The following TCF4 variants were observed in gnomAD, a reference collection of about 807,000 sequenced individuals.
TCF4 encodes the protein SL3-3 enhancer factor 2.
In TCF4, 3 loss-of-function variants were observed where a neutral mutation model predicts 82.1. That is an observed-to-expected ratio of 0.04 (90% CI 0.02 to 0.09). The LOEUF (loss-of-function observed/expected upper bound fraction) is 0.09, where lower values mean the gene tolerates loss of function less well. Among genes scored for constraint, TCF4 ranks in the 10% least tolerant of loss-of-function variants. TCF4 has a pLI of 1.00. For missense variants in TCF4, 518 were observed against 852.7 expected (o/e 0.61, Z 4.89); for synonymous variants, 276 against 309.6 (o/e 0.89, Z 1.14).
chr18:55,560,620 C>A (rs941832582), intron 3 of TCF4, among the ~76,000 whole-genome samples: 6 of 152,156 alleles, frequency 3.9e-5, no homozygotes, highest in Admixed American at 2.0e-4. Context: ...AGTAAGAAGG[C>A]TTCTCTGATC....
intron 6 of TCF4, among the ~76,000 whole-genome samples, chr18:55,397,188 C>G (rs1384016908): frequency 6.6e-6 from 1 of 152,200 alleles, no homozygotes; most frequent in African/African-American, 2.4e-5. Flanking sequence ...GCATTACCAA[C>G]AGCAGCATAG....
chr18:55,454,190 C>T (rs1353502426), intron 5 of TCF4, among the ~76,000 whole-genome samples: 3 of 152,102 alleles, frequency 2.0e-5, no homozygotes, highest in African/African-American at 7.2e-5. Flanking sequence ...TACTTATTTC[C>T]GCTTATATAT....
intron 5 of TCF4, among the ~76,000 whole-genome samples, chr18:55,442,833 A>T (rs768481136): frequency 6.6e-6 from 1 of 152,268 alleles, no homozygotes; most frequent in African/African-American, 2.4e-5. Context: ...AAAGAACTTT[A>T]TCACAGTACA....
chr18:55,458,084 G>A (rs2095801424), intron 5 of TCF4, among the ~76,000 whole-genome samples: 1 of 151,962 alleles, frequency 6.6e-6, no homozygotes, highest in Non-Finnish European at 1.5e-5. Flanking sequence ...AAAAAAATCA[G>A]GTCATCTGCA....
In TCF4 at chr18:55,460,964, C is replaced by G. The variant is rs897687612; in HGVS notation, c.304+55G>C. On this transcript the variant is annotated intron_variant, in intron 5 of 19. Coordinates refer to ENST00000354452, the MANE Select transcript of TCF4 (RefSeq NM_001083962.2). ...TCTGTCTAGGACATGGTTTTACCTT[C>G]TATAGTAAAACTTGAGCATTCAAAA... 41 of 1,475,046 alleles carry G rather than the reference C, an allele frequency of 2.8e-5. No individual in the cohort carries two copies. In the Admixed American group the frequency reaches 7.1e-4, roughly 25 times the overall value. The allele number at this position is 1,475,046 out of a possible 1,614,324, so 91.4% of individuals were successfully genotyped here. A position where few individuals can be genotyped will look rare whatever the true frequency, so the allele number is the denominator to read the frequency against.
intron 6 of TCF4, among the ~76,000 whole-genome samples, chr18:55,394,539 A>G (rs1569345565): frequency 6.6e-6 from 1 of 152,222 alleles, no homozygotes; most frequent in Non-Finnish European, 1.5e-5. Context: ...AATATATTCT[A>G]TTCAACGAGA....
At chr18:55,234,450 G>T in intron 16 of TCF4, 98 bp downstream of exon 16, 3 of 1,541,298 alleles carry the variant, frequency 1.9e-6, no homozygotes, top group Non-Finnish European at 2.7e-6. Flanking sequence ...CTGGGTTTCT[G>T]CCAGTGCTTC....
intron 6 of TCF4, among the ~76,000 whole-genome samples, chr18:55,378,260 G>A (rs1187724332): frequency 1.3e-5 from 2 of 152,240 alleles, no homozygotes; most frequent in Non-Finnish European, 2.9e-5. Context: ...TGAAGATATG[G>A]TATAGCTTGG....
intron 5 of TCF4, among the ~76,000 whole-genome samples, chr18:55,457,116 T>C (rs2095774537): frequency 6.6e-6 from 1 of 152,244 alleles, no homozygotes; most frequent in South Asian, 2.1e-4. Context: ...CAGTCAGTAC[T>C]GACATCTCTC....
intron 6 of TCF4, among the ~76,000 whole-genome samples, chr18:55,356,593 T>A (rs1343638971): frequency 6.6e-6 from 1 of 152,200 alleles, no homozygotes; most frequent in Admixed American, 6.5e-5. Context: ...AAATGTGTTA[T>A]ATGCGATAGA....
At chr18:55,592,676 C>T (rs2097686867), upstream of TCF4, among the ~76,000 whole-genome samples, 1 of 152,098 alleles carries the variant, frequency 6.6e-6, no homozygotes, top group Admixed American at 6.5e-5. Flanking sequence ...GCAGATTGGA[C>T]CCCAGGAGCG....
rs1272956318 is a variant in TCF4, at chr18:55,350,912, T to C, written c.461A>G (p.Asn154Ser). 6.2e-7 allele frequency: 1 copy of C among 1,613,636 alleles called. No individual in the cohort carries two copies. Among genetic ancestry groups the C allele is most frequent in the Admixed American group, 1.7e-5 (1 of 59,994 alleles). ...GTGAAGAGGCCTCCTTCGGGGATTA[T>C]TGCTAGAATACTGATAGTACTGGGA... The part of the protein sequence containing the change: ...PGSQYYQYSS[N>S]NPRRRPLHSS... Residue 154 changes from asparagine to serine, a missense_variant, in exon 7 of 20, where the codon AAT becomes AGT. By Grantham distance (46) the Asn-to-Ser change is conservative. This residue lies in a region of TCF4 where 211 missense variants were observed against 327.4 expected (regional missense o/e 0.64). Transcript: ENST00000354452.
intron 3 of TCF4, among the ~76,000 whole-genome samples, chr18:55,523,191 T>C (rs960829623): frequency 3.3e-5 from 5 of 152,030 alleles, no homozygotes; most frequent in Non-Finnish European, 4.4e-5. Flanking sequence ...ACAAAACTTA[T>C]GGAATGCAGC....
At chr18:55,526,429 T>C (rs1485153852) in intron 3 of TCF4, among the ~76,000 whole-genome samples, 1 of 152,204 alleles carries the variant, frequency 6.6e-6, no homozygotes, top group Non-Finnish European at 1.5e-5. Context: ...TATTGGTGAT[T>C]TCTAACATCT....
At chr18:55,297,206 GA>G (rs749849568) in intron 8 of TCF4, among the ~76,000 whole-genome samples, 4,010 of 56,030 alleles carry the variant, frequency 0.072, 86 homozygotes, top group South Asian at 0.099. Context: ...TTTCCAAATA[GA>G]AAAAAAAAAA....
In TCF4 at chr18:55,353,758, G is replaced by A. The variant is rs560216188; in HGVS notation, c.370-2755C>T. Among the ~76,000 whole-genome samples, 72 of 152,232 alleles carry A rather than the reference G, an allele frequency of 4.7e-4. 1 individual carries two copies. The South Asian group carries it at 0.014, about 30-fold the overall frequency. ...TTATGAATTTTAAAAAGTGAATGGC[G>A]TTTGATTTAAAGTAAATTAAATTTT... On this transcript the variant is annotated intron_variant, in intron 6 of 19. Transcript: ENST00000354452.
intron 8 of TCF4, among the ~76,000 whole-genome samples, chr18:55,327,124 A>G (rs2076698759): frequency 6.6e-6 from 1 of 152,164 alleles, no homozygotes; most frequent in African/African-American, 2.4e-5. Flanking sequence ...TCTTAAGACT[A>G]TGAAATAACT....
chr18:55,403,431 C>G, intron 6 of TCF4, 23 bp downstream of exon 6: 1 of 1,613,274 alleles, frequency 6.2e-7, no homozygotes, highest in Non-Finnish European at 8.5e-7. Context: ...CTCAACCCTT[C>G]CGCAACAGAG....
At chr18:55,460,309 C>T (rs2095848395) in intron 5 of TCF4, among the ~76,000 whole-genome samples, 1 of 151,644 alleles carries the variant, frequency 6.6e-6, no homozygotes, top group Non-Finnish European at 1.5e-5. Context: ...ACCTTTTAAG[C>T]CATTAGGAAT....
Sources: allele counts gnomAD v4.1 joint callset (sites outside exome capture counted in the v4.1 genomes callset), GRCh38; gene constraint gnomAD v4.1.1; regional missense constraint gnomAD v4.1.1; transcripts MANE v1.5; gene names NCBI Gene and HGNC (gene_info 2026-07-23, HGNC 2026-07-21).